Variants in EML1 observed in about 807,000 individuals in gnomAD.
EML1 encodes EMAP like 1, also known as echinoderm microtubule-associated protein-like 1.
A neutral mutation model predicts 110.4 loss-of-function variants in EML1; 27 were observed. The observed-to-expected ratio is 0.24, with a 90% CI of 0.18 to 0.34. EML1 has a LOEUF of 0.34. EML1 is among the 10% of genes least tolerant of loss of function. The probability of loss-of-function intolerance (pLI) is 1.00; values close to 1 mark genes in which losing one functional copy is unlikely to be tolerated. For missense variants in EML1, 741 were observed against 1,030.9 expected (o/e 0.72, Z 3.85); for synonymous variants, 344 against 385.8 (o/e 0.89, Z 1.27).
chr14:99,756,239 A>T (rs1261232233), intron 1 of EML1, among the ~76,000 whole-genome samples: 1 of 152,122 alleles, frequency 6.6e-6, no homozygotes, highest in Non-Finnish European at 1.5e-5. Context: ...GGGGGCACTG[A>T]CCAATGCCAG....
intron 1 of EML1, among the ~76,000 whole-genome samples, chr14:99,848,367 A>T (rs375134879): frequency 6.6e-6 from 1 of 152,144 alleles, no homozygotes; most frequent in Non-Finnish European, 1.5e-5. Context: ...AGTAGATTTT[A>T]AGTGTTCTTA....
At chr14:99,772,469 C>T (rs534554560), upstream of EML1, among the ~76,000 whole-genome samples, 3 of 152,328 alleles carry the variant, frequency 2.0e-5, no homozygotes, top group South Asian at 6.2e-4. Context: ...CGTGCCACCA[C>T]CACAAAGAGG....
rs1337089706 is a variant in EML1 at position 99,914,159 on chromosome 14, CAT to C, written c.1495-17_1495-16del. 3.8e-6 allele frequency: 6 copies of C among 1,591,436 alleles called. No homozygotes were observed. The East Asian group carries it at 9.0e-5, about 24-fold the overall frequency. ...AATGAAATTGTACATCTTTTCTTTT[CAT>C]ATGACTTTTCAATGCAGATTCCAGA... On this transcript the variant is annotated intron_variant, in intron 13 of 21. Coordinates refer to ENST00000262233, the MANE Select transcript of EML1 (RefSeq NM_004434.3).
chr14:99,754,914 C>T (rs1459158043), intron 1 of EML1, among the ~76,000 whole-genome samples: 5 of 152,214 alleles, frequency 3.3e-5, no homozygotes, highest in Admixed American at 2.0e-4. Flanking sequence ...ACCTGCCTCT[C>T]GTGTCCATGC....
In EML1 at chr14:99,784,230, C is replaced by T. The variant is rs2057575473; in HGVS notation, c.-27+10217C>T. ...CTTTCAGTCCCCTGAGTAGCTGGGA[C>T]CACAGGCACATGCTACCACGCTTGG... On this transcript the variant is annotated intron_variant, in intron 1 of 22. Transcript: ENST00000327921. The surrounding 1 kb of genome is among the most constrained non-coding windows in gnomAD (Gnocchi z 4.5). Among the ~76,000 whole-genome samples the T allele has an allele frequency of 3.9e-5, 6 of 152,148 alleles. No individual in the cohort carries two copies. The highest frequency in any genetic ancestry group is 3.9e-4 in the Admixed American group (6 of 15,272).
At chr14:99,923,675 C>T (rs575836754) in intron 17 of EML1, among the ~76,000 whole-genome samples, 1 of 52,648 alleles carries the variant, frequency 1.9e-5, no homozygotes, top group Admixed American at 1.7e-4. Flanking sequence ...TTACTGTGAC[C>T]TTAGAGGAAA....
chr14:99,891,143 A>G (rs1215771842), intron 4 of EML1, 56 bp from the exon 5 acceptor site: 11 of 1,611,576 alleles, frequency 6.8e-6, no homozygotes, highest in African/African-American at 1.3e-5. Flanking sequence ...TCTGAAGTGA[A>G]TGAGATGAAA....
At chr14:99,810,119 C>T (rs982649716) in intron 1 of EML1, among the ~76,000 whole-genome samples, 8 of 152,102 alleles carry the variant, frequency 5.3e-5, no homozygotes, top group African/African-American at 1.9e-4. Context: ...GGAAGCCTGG[C>T]GTGTAGGAAG....
chr14:99,746,144 G>A (rs991674982), intron 1 of EML1, among the ~76,000 whole-genome samples: 3 of 152,116 alleles, frequency 2.0e-5, no homozygotes, highest in Admixed American at 6.5e-5. Flanking sequence ...TTTTATAGAC[G>A]AGCAAATGGA....
At chr14:99,800,190 A>G (rs1000139251) in intron 1 of EML1, among the ~76,000 whole-genome samples, 1 of 152,096 alleles carries the variant, frequency 6.6e-6, no homozygotes, top group Admixed American at 6.5e-5. Context: ...TGGCACATAG[A>G]TTTCATTTCT....
upstream of EML1, among the ~76,000 whole-genome samples, chr14:99,789,643 T>C (rs17099052): frequency 0.13 from 19,555 of 152,292 alleles, 1,490 homozygotes; most frequent in East Asian, 0.37. Flanking sequence ...TAACTATTTT[T>C]GGTAGAGTGT....
At chr14:99,843,125 G>A (rs951228866) in intron 1 of EML1, among the ~76,000 whole-genome samples, 6 of 152,122 alleles carry the variant, frequency 3.9e-5, no homozygotes, top group African/African-American at 1.4e-4. Context: ...GTGGTGGTGT[G>A]CATCTGTACT....
At chr14:99,888,121 T>C (rs1006419853) in intron 4 of EML1, among the ~76,000 whole-genome samples, 2 of 152,258 alleles carry the variant, frequency 1.3e-5, no homozygotes, top group Non-Finnish European at 2.9e-5. Flanking sequence ...ATACATTGTT[T>C]AGAGCATGAT....
chr14:99,900,848 C>A, intron 8 of EML1, 81 bp from the exon 9 acceptor site: 1 of 1,214,666 alleles, frequency 8.2e-7, no homozygotes, highest in Admixed American at 1.8e-5. Context: ...AGTTACTGCC[C>A]AAGTAATCTT....
intron 1 of EML1, among the ~76,000 whole-genome samples, chr14:99,741,916 G>T (rs1205893230): frequency 6.6e-6 from 1 of 152,088 alleles, no homozygotes; most frequent in African/African-American, 2.4e-5. Context: ...CTGGTGAATC[G>T]TGCCAACGTG....
intron 1 of EML1, among the ~76,000 whole-genome samples, chr14:99,764,425 C>T (rs765456294): frequency 4.6e-5 from 7 of 152,354 alleles, no homozygotes; most frequent in South Asian, 2.1e-4. Context: ...CCCTGGCCAC[C>T]GTCCTGGCCG....
At chr14:99,867,914 C>G (rs754569503) in intron 3 of EML1, among the ~76,000 whole-genome samples, 2 of 152,066 alleles carry the variant, frequency 1.3e-5, no homozygotes, top group Admixed American at 6.6e-5. Flanking sequence ...AGAGGAAAAG[C>G]TTTCAGTCTT....
upstream of EML1, among the ~76,000 whole-genome samples, chr14:99,790,498 C>G (rs1244447392): frequency 6.6e-6 from 1 of 152,062 alleles, no homozygotes; most frequent in Non-Finnish European, 1.5e-5. Context: ...CCACCACACC[C>G]GGCTTTAAAG....
At chr14:99,919,601 C>T (rs192892750) in intron 16 of EML1, among the ~76,000 whole-genome samples, 14 of 151,688 alleles carry the variant, frequency 9.2e-5, no homozygotes, top group African/African-American at 3.2e-4. Context: ...TGACAGTGCT[C>T]AGAATCACAG....
Sources: allele counts gnomAD v4.1 joint callset (sites outside exome capture counted in the v4.1 genomes callset), GRCh38; gene constraint gnomAD v4.1.1; non-coding constraint Gnocchi (gnomAD v3.1); transcripts MANE v1.5; gene names NCBI Gene and HGNC (gene_info 2026-07-23, HGNC 2026-07-21).